CDH8: variants seen among roughly 807,000 people sequenced by gnomAD.
CDH8 encodes the protein cadherin 8, also known as cadherin-8.
A neutral mutation model predicts 68.1 loss-of-function variants in CDH8; 17 were observed. The ratio of observed to expected loss-of-function variants is 0.25; its 90% confidence interval spans 0.17 to 0.37. The LOEUF is 0.37. Ranked by LOEUF, CDH8 falls within the 10% of genes least tolerant of loss-of-function variation. The probability of loss-of-function intolerance (pLI) is 1.00; values close to 1 mark genes in which losing one functional copy is unlikely to be tolerated. For synonymous variants in CDH8, 372 were observed against 365.1 expected (o/e 1.02, Z -0.21); for missense variants, 763 against 999.3 (o/e 0.76, Z 3.19).
At chr16:61,768,253 C>T (rs1428513832) in intron 8 of CDH8, among the ~76,000 whole-genome samples, 3 of 150,924 alleles carry the variant, frequency 2.0e-5, no homozygotes, top group Non-Finnish European at 4.4e-5. Context: ...ATAATCTCCT[C>T]TAGTTCCAGA....
intron 2 of CDH8, among the ~76,000 whole-genome samples, chr16:61,922,274 A>G (rs915438001): frequency 7.9e-5 from 12 of 152,022 alleles, no homozygotes; most frequent in African/African-American, 2.7e-4. Context: ...AACAGCATGC[A>G]CTCCTAAATA....
At chr16:61,719,275 C>A (rs1262963084) in intron 9 of CDH8, among the ~76,000 whole-genome samples, 1 of 151,130 alleles carries the variant, frequency 6.6e-6, no homozygotes, top group Non-Finnish European at 1.5e-5. Context: ...TAAATGAAGT[C>A]TTCAGTCCTC....
At chr16:61,923,530 G>T (rs929599194) in intron 2 of CDH8, among the ~76,000 whole-genome samples, 1 of 151,788 alleles carries the variant, frequency 6.6e-6, no homozygotes, top group African/African-American at 2.4e-5. Context: ...AATTTATTTT[G>T]CTTTAATTTA....
At chr16:61,955,868 A>C (rs1051205659) in intron 2 of CDH8, among the ~76,000 whole-genome samples, 1 of 152,168 alleles carries the variant, frequency 6.6e-6, no homozygotes, top group Non-Finnish European at 1.5e-5. Flanking sequence ...CTTAATCAGT[A>C]AGTGCCCCCA....
At chr16:61,790,173 GA>G (rs1961346076) in intron 7 of CDH8, among the ~76,000 whole-genome samples, 1 of 151,868 alleles carries the variant, frequency 6.6e-6, no homozygotes, top group Non-Finnish European at 1.5e-5. Flanking sequence ...ATTTCAAAGG[GA>G]CATATTAGTA....
intron 10 of CDH8, among the ~76,000 whole-genome samples, chr16:61,658,620 C>G (rs1385674230): frequency 1.3e-5 from 2 of 152,014 alleles, no homozygotes; most frequent in Non-Finnish European, 2.9e-5. Flanking sequence ...CATGAATACC[C>G]TGTTTCTTAT....
intron 6 of CDH8, among the ~76,000 whole-genome samples, chr16:61,820,314 G>GGT (rs1319982614): frequency 2.2e-5 from 2 of 90,762 alleles, no homozygotes; most frequent in African/African-American, 9.4e-5. Flanking sequence ...TGCCTGTTTG[G>GGT]TTTTTTTTTT....
At chr16:61,859,269 T>C (rs955501495) in intron 3 of CDH8, among the ~76,000 whole-genome samples, 10 of 152,272 alleles carry the variant, frequency 6.6e-5, no homozygotes, top group African/African-American at 2.4e-4. Flanking sequence ...TGTAGCTATT[T>C]GAGTATTACA....
At chr16:61,861,455 T>A (rs1434741894) in intron 3 of CDH8, among the ~76,000 whole-genome samples, 1 of 152,234 alleles carries the variant, frequency 6.6e-6, no homozygotes, top group African/African-American at 2.4e-5. Flanking sequence ...TCTATTTCTG[T>A]TGATCTTATC....
chr16:61,838,027 C>T (rs1379522238), intron 4 of CDH8, among the ~76,000 whole-genome samples: 1 of 152,048 alleles, frequency 6.6e-6, no homozygotes, highest in African/African-American at 2.4e-5. Flanking sequence ...TTAGTAACAG[C>T]AGGTTGTTAC....
Position 61,878,191 on chromosome 16 carries a change from T to C in CDH8, c.548-20953A>G, listed in dbSNP as rs1225433911. Among the ~76,000 whole-genome samples, 9 of 152,336 alleles carry C rather than the reference T, an allele frequency of 5.9e-5. 1 individual carries two copies. The highest frequency in any genetic ancestry group is 3.9e-4 in the Admixed American group (6 of 15,302). On this transcript the variant is annotated intron_variant, in intron 3 of 11. Transcript: ENST00000577390. The stretch of plus-strand genomic sequence containing the variant: ...CCTGCTAAAGGCATCCTTAATAAGA[T>C]GGCCAAGAGGTACCTTGTGTAAGTT...
chr16:61,761,829 T>A (rs1339675211), intron 8 of CDH8, among the ~76,000 whole-genome samples: 1 of 151,830 alleles, frequency 6.6e-6, no homozygotes. Flanking sequence ...ATACTGAGAC[T>A]CTGTCTCTAC....
chr16:61,775,430 C>T (rs370501516), intron 8 of CDH8, among the ~76,000 whole-genome samples: 21 of 151,986 alleles, frequency 1.4e-4, no homozygotes, highest in East Asian at 7.8e-4. Context: ...TCAGCATCCC[C>T]GTCTGAAGTA....
At chr16:61,954,631 G>A (rs1464036806) in intron 2 of CDH8, among the ~76,000 whole-genome samples, 2 of 150,448 alleles carry the variant, frequency 1.3e-5, no homozygotes, top group Admixed American at 6.6e-5. Flanking sequence ...GAACCCGGAG[G>A]CAGAGCTTGC....
chr16:61,742,995 C>A (rs968216320), intron 8 of CDH8, among the ~76,000 whole-genome samples: 3 of 152,082 alleles, frequency 2.0e-5, no homozygotes, highest in African/African-American at 7.2e-5. Flanking sequence ...GCAAAGCCTG[C>A]GTTTTTAAAC....
At chr16:61,771,406 A>T (rs1960772420) in intron 8 of CDH8, among the ~76,000 whole-genome samples, 1 of 150,204 alleles carries the variant, frequency 6.7e-6, no homozygotes, top group Non-Finnish European at 1.5e-5. Flanking sequence ...AATATGAACC[A>T]GCAAAGAGAT....
intron 4 of CDH8, among the ~76,000 whole-genome samples, chr16:61,851,492 C>T (rs1438875318): frequency 1.3e-5 from 2 of 152,026 alleles, no homozygotes; most frequent in South Asian, 2.1e-4. Context: ...ACTTGCCTTG[C>T]ATTTTATTTA....
intron 3 of CDH8, among the ~76,000 whole-genome samples, chr16:61,882,419 G>A (rs1422216445): frequency 6.6e-6 from 1 of 152,186 alleles, no homozygotes; most frequent in Non-Finnish European, 1.5e-5. Flanking sequence ...CTATGAAGAA[G>A]AGCCCCCGCA....
chr16:61,751,853 T>C (rs971412472), intron 8 of CDH8, among the ~76,000 whole-genome samples: 12 of 152,118 alleles, frequency 7.9e-5, no homozygotes, highest in African/African-American at 2.9e-4. Flanking sequence ...CATTTAATTA[T>C]CCAATGATAT....
Sources: allele counts gnomAD v4.1 joint callset (sites outside exome capture counted in the v4.1 genomes callset), GRCh38; gene constraint gnomAD v4.1.1; transcripts MANE v1.5; gene names NCBI Gene and HGNC (gene_info 2026-07-23, HGNC 2026-07-21).